XPNPEP2: variants seen among roughly 807,000 people sequenced by gnomAD.
The protein encoded by XPNPEP2 is X-prolyl aminopeptidase 2, also known as xaa-Pro aminopeptidase 2.
A neutral mutation model predicts 59.8 loss-of-function variants in XPNPEP2; 64 were observed. That is an observed-to-expected ratio of 1.07 (90% CI 0.87 to 1.32). The LOEUF is 1.32. Among genes scored for constraint, XPNPEP2 ranks in the 40% most tolerant of loss-of-function variants. XPNPEP2 has a pLI of 0.00. For synonymous variants in XPNPEP2, 235 were observed against 210.0 expected (o/e 1.12, Z -1.03); for missense variants, 575 against 546.8 (o/e 1.05, Z -0.51).
intron 1 of XPNPEP2, among the ~76,000 whole-genome samples, chrX:129,740,405 T>C (rs1411542043): frequency 1.8e-5 from 2 of 111,923 alleles, no homozygotes; most frequent in African/African-American, 6.5e-5. Context: ...GGCAGGCGGA[T>C]CACTTGAGGT....
chrX:129,752,919 G>A (rs747297114), intron 10 of XPNPEP2, among the ~76,000 whole-genome samples: 1 of 112,522 alleles, frequency 8.9e-6, no homozygotes, highest in South Asian at 3.7e-4. Flanking sequence ...GCCAAGCAAG[G>A]CAGTGTCAAT....
intron 18 of XPNPEP2, 82 bp downstream of exon 18, chrX:129,762,147 C>T: frequency 1.9e-6 from 2 of 1,029,025 alleles, no homozygotes; most frequent in Admixed American, 2.2e-5. Flanking sequence ...GTGTACCAGA[C>T]TTCAGAGGAG....
At chrX:129,756,605 T>C (rs778555211) in intron 14 of XPNPEP2, 50 bp downstream of exon 14, 42 of 1,140,785 alleles carry the variant, frequency 3.7e-5, no homozygotes, top group Non-Finnish European at 5.0e-5. Context: ...TCAGACCTCC[T>C]GAGCCTGCCA....
chrX:129,741,235 T>C (rs1926175774), intron 1 of XPNPEP2, among the ~76,000 whole-genome samples: 1 of 110,688 alleles, frequency 9.0e-6, no homozygotes, highest in African/African-American at 3.3e-5. Context: ...AAACTAGATC[T>C]CCATATATTC....
intron 15 of XPNPEP2, 152 bp from the exon 16 acceptor site, chrX:129,760,360 C>G: frequency 1.8e-6 from 1 of 540,860 alleles, no homozygotes; most frequent in Admixed American, 3.5e-5. Flanking sequence ...CTTCCAGAAC[C>G]CGGGCAGCCA....
At chrX:129,749,749 C>T (rs1034926516) in intron 7 of XPNPEP2, among the ~76,000 whole-genome samples, 5 of 112,754 alleles carry the variant, frequency 4.4e-5, no homozygotes, top group African/African-American at 1.6e-4. Flanking sequence ...GATTTGGAGA[C>T]TGAGAATGTT....
At chrX:129,750,388 C>T in intron 7 of XPNPEP2, 80 bp from the exon 8 acceptor site, 2 of 809,218 alleles carry the variant, frequency 2.5e-6, no homozygotes, top group Non-Finnish European at 3.6e-6. Flanking sequence ...AAACTGTTAC[C>T]CTAAGGCTGA....
At chrX:129,762,628 G>A in intron 18 of XPNPEP2, 66 bp from the exon 19 acceptor site, 1 of 1,036,643 alleles carries the variant, frequency 9.6e-7, no homozygotes, top group Non-Finnish European at 1.4e-6. Context: ...CTCATCAGTA[G>A]GTACAGGAAG....
chrX:129,746,390 G>A, intron 5 of XPNPEP2, 50 bp downstream of exon 5: 2 of 1,123,111 alleles, frequency 1.8e-6, no homozygotes, highest in Non-Finnish European at 2.4e-6. Context: ...CCTGGACTAG[G>A]TTCAGGAAGG....
chrX:129,766,133 C>T (rs1464150573), intron 19 of XPNPEP2, among the ~76,000 whole-genome samples: 2 of 111,841 alleles, frequency 1.8e-5, no homozygotes, highest in East Asian at 5.6e-4. Flanking sequence ...CTATATTTGT[C>T]ACACAACTCT....
At chrX:129,747,557 C>T in intron 6 of XPNPEP2, 50 bp from the exon 7 acceptor site, 1 of 1,192,712 alleles carries the variant, frequency 8.4e-7, no homozygotes. Context: ...ACAATTTTTT[C>T]CTGGGGTGTA....
intron 14 of XPNPEP2, among the ~76,000 whole-genome samples, chrX:129,757,851 GA>G (rs1358218628): frequency 2.0e-4 from 16 of 81,670 alleles, no homozygotes; most frequent in African/African-American, 3.3e-4. Context: ...AAGAAAGAAA[GA>G]AAGAAAGAGG....
intron 13 of XPNPEP2, among the ~76,000 whole-genome samples, chrX:129,756,215 G>A (rs1926514837): frequency 8.9e-6 from 1 of 112,038 alleles, no homozygotes; most frequent in Non-Finnish European, 1.9e-5. Flanking sequence ...GGTCTCTAGG[G>A]CTCTCCCAGC....
In XPNPEP2 at chrX:129,752,276, A is replaced by G; in HGVS notation, c.948A>G (p.Ser316=). 3 of 1,211,956 alleles carry G rather than the reference A, an allele frequency of 2.5e-6. No individual in the cohort carries two copies. The highest frequency in any genetic ancestry group is 3.3e-6 in the Non-Finnish European group (3 of 895,545). The part of the protein sequence containing the change: ...SQVRDSIQAY[S]LGDVRIWIGT... ...TTCGTGACAGCATCCAGGCCTACTC[A>G]TTGGGAGATGTGAGGATCTGGATTG... Residue 316 remains serine, a synonymous_variant, in exon 10 of 21, where the codon TCA becomes TCG. Coordinates refer to ENST00000371106, the MANE Select transcript of XPNPEP2 (RefSeq NM_003399.6).
chrX:129,751,891 C>A (rs1926426444), intron 9 of XPNPEP2, 65 bp downstream of exon 9: 6 of 1,078,928 alleles, frequency 5.6e-6, no homozygotes, highest in Non-Finnish European at 7.7e-6. Flanking sequence ...GATGCCCCAC[C>A]ACTGATCCCG....
intron 14 of XPNPEP2, among the ~76,000 whole-genome samples, chrX:129,757,895 GAAAGAAAGAAAGAA>G (rs777074388): frequency 4.3e-3 from 59 of 13,765 alleles, no homozygotes; most frequent in African/African-American, 6.6e-3. Flanking sequence ...GAGAGAGAGA[GAAAGAAAGAAAGAA>G]AGAAAGAAAG....
Position 129,754,467 on chromosome X carries a change from T to C in XPNPEP2, c.1108-5T>C. The C allele has an allele frequency of 8.5e-7, 1 of 1,170,629 alleles. No individual in the cohort carries two copies. Among genetic ancestry groups the C allele is most frequent in the Non-Finnish European group, 1.1e-6 (1 of 876,145 alleles). ...TCCTCTGTTTCCCTGCTTCCCCAAC[T>C]CCAGGTGCGGGACGCTGTGGCTGTG... On this transcript the variant is annotated splice_polypyrimidine_tract_variant and splice_region_variant and intron_variant, in intron 11 of 20. Transcript: ENST00000371106.
At chrX:129,764,753 C>T (rs1926717540) in intron 19 of XPNPEP2, among the ~76,000 whole-genome samples, 2 of 110,892 alleles carry the variant, frequency 1.8e-5, no homozygotes, top group African/African-American at 6.6e-5. Flanking sequence ...CACTTGAGGT[C>T]AGGAGTTCAA....
rs1399172459 is a variant in XPNPEP2 at position 129,750,054 on chromosome X, T to A, written c.638-414T>A. Among the ~76,000 whole-genome samples the A allele has an allele frequency of 2.7e-5, 3 of 112,948 alleles. No homozygotes were observed. The East Asian group carries it at 8.3e-4, about 31-fold the overall frequency. Reference sequence around the variant, plus strand: ...CCTTCAACTAGGACTGCTCTCTTGATCTCAGTCTGCATGATTATTTATTAA... The same window carrying A: ...CCTTCAACTAGGACTGCTCTCTTGAACTCAGTCTGCATGATTATTTATTAA... On this transcript the variant is annotated intron_variant, in intron 7 of 20. Transcript: ENST00000371106.
Sources: gnomAD v4.1 joint callset for allele counts (sites outside exome capture counted in the v4.1 genomes callset) on GRCh38, gnomAD v4.1.1 for gene constraint, MANE v1.5 for transcripts, NCBI Gene and HGNC (gene_info 2026-07-23, HGNC 2026-07-21) for gene names.